The following PON2 variants were observed in gnomAD, a reference collection of about 807,000 sequenced individuals.
The protein encoded by PON2 is serum paraoxonase/arylesterase 2.
Under a neutral mutation model 36.6 loss-of-function variants are expected in PON2, and 27 were observed. The observed-to-expected ratio is 0.74, with a 90% CI of 0.54 to 1.02. PON2 has a LOEUF of 1.02. Among genes scored for constraint, PON2 ranks in the 50% least tolerant of loss-of-function variants. The probability of loss-of-function intolerance (pLI) is 0.00; values close to 1 mark genes in which losing one functional copy is unlikely to be tolerated. For synonymous variants in PON2, 149 were observed against 156.3 expected, an observed-to-expected ratio of 0.95 and a Z score of 0.35; for missense variants, 363 against 421.1, an observed-to-expected ratio of 0.86 and a Z score of 1.21.
chr7:95,425,832 A>C (rs1285171789), intron 1 of PON2, among the ~76,000 whole-genome samples: 5 of 152,204 alleles, frequency 3.3e-5, no homozygotes, highest in African/African-American at 1.2e-4. Flanking sequence ...TTTTTGAAAC[A>C]ATATAGCAAT....
At chr7:95,416,027 A>G (rs1789054775) in intron 3 of PON2, 3 of 754,344 alleles carry the variant, frequency 4.0e-6, no homozygotes, top group Non-Finnish European at 6.3e-6. Context: ...GTGCAATGCA[A>G]TGGGGAAATA....
intron 2 of PON2, 121 bp downstream of exon 2, chr7:95,424,394 T>G: frequency 1.3e-6 from 1 of 796,926 alleles, no homozygotes. Context: ...AGGTTTTTGT[T>G]GATCTAATGT....
intron 1 of PON2, among the ~76,000 whole-genome samples, chr7:95,427,555 C>G (rs1033619013): frequency 6.6e-6 from 1 of 152,140 alleles, no homozygotes; most frequent in Non-Finnish European, 1.5e-5. Flanking sequence ...TTTGAGACTG[C>G]GGCAGCCATT....
At position 95,405,297 on chromosome 7, in the gene PON2, T is replaced by C. The variant is rs368736955; in HGVS notation, c.*33A>G. The C allele has an allele frequency of 6.2e-7, 1 of 1,606,080 alleles. No homozygotes were observed. Among genetic ancestry groups the C allele is most frequent in the African/African-American group, 1.3e-5 (1 of 74,890 alleles). On this transcript the variant is annotated 3_prime_UTR_variant, in exon 9 of 9. Coordinates refer to ENST00000222572, the MANE Select transcript of PON2 (RefSeq NM_000305.3). The stretch of plus-strand genomic sequence containing the variant: ...TAGCAATTCATAGAAAATTAATTGT[T>C]AAGTTATCGCACTTTCATGCCAAAA...
chr7:95,423,577 C>T (rs897473923), intron 2 of PON2, among the ~76,000 whole-genome samples: 24 of 152,010 alleles, frequency 1.6e-4, no homozygotes, highest in African/African-American at 5.1e-4. Context: ...CTTAGGAACC[C>T]CTACTCAAAG....
At chr7:95,431,700 G>A (rs539646563) in intron 1 of PON2, among the ~76,000 whole-genome samples, 17 of 152,096 alleles carry the variant, frequency 1.1e-4, no homozygotes, top group East Asian at 9.7e-4. Flanking sequence ...GATTACAGAC[G>A]TGAGCCACTG....
At position 95,406,121 on chromosome 7, in the gene PON2, C is replaced by G. The variant is rs1199075081; in HGVS notation, c.904G>C (p.Glu302Gln). ...TAAAAAACTGAAAATATAAAAACCTCTGACGAGGGAGGATTGTTCGGGTCA... is the reference window on the plus strand; with the variant it reads ...TAAAAAACTGAAAATATAAAAACCTGTGACGAGGGAGGATTGTTCGGGTCA... Reference protein sequence around the residue: ...VYDPNNPPSSEVLRIQNILSE... With the variant: ...VYDPNNPPSSQVLRIQNILSE... The change falls in exon 8 of 9, where the codon GAG becomes CAG. Residue 302 changes from glutamate (E) to glutamine (Q), a missense_variant and splice_region_variant. Glu to Gln is a conservative substitution (Grantham distance 29). Transcript: ENST00000222572. 6.2e-7 allele frequency: 1 copy of G among 1,613,568 alleles called. No individual in the cohort carries two copies. The highest frequency in any genetic ancestry group is 8.5e-7 in the Non-Finnish European group (1 of 1,179,628).
chr7:95,433,624 A>C (rs949769066), intron 1 of PON2, among the ~76,000 whole-genome samples: 2 of 152,216 alleles, frequency 1.3e-5, no homozygotes, highest in Non-Finnish European at 2.9e-5. Flanking sequence ...TTTTCAACTT[A>C]TATTTAATGG....
chr7:95,408,971 C>A (rs1270892095), intron 6 of PON2, among the ~76,000 whole-genome samples: 1 of 152,080 alleles, frequency 6.6e-6, no homozygotes. Flanking sequence ...GGATTTGAAC[C>A]CAGGCCTGTA....
rs1352867352 is a variant in PON2, at chr7:95,434,769, A to T, written c.74+109T>A. The T allele has an allele frequency of 2.4e-6, 3 of 1,254,220 alleles. No individual in the cohort carries two copies. In the African/African-American group the frequency reaches 4.7e-5, roughly 20 times the overall value. The allele number at this position is 1,254,220 out of a possible 1,614,324, so 77.7% of individuals were successfully genotyped here. On this transcript the variant is annotated intron_variant, in intron 1 of 8. Transcript: ENST00000222572. The stretch of plus-strand genomic sequence containing the variant: ...TCAAAAATTCTCCACCCCCGGCCGC[A>T]GGGCCAGGTCCCGCAGGAATCCCTC...
chr7:95,409,384 A>G (rs1005363552), intron 6 of PON2: 2 of 151,988 alleles, frequency 1.3e-5, no homozygotes, highest in Non-Finnish European at 2.9e-5. Context: ...TTAAAATTCC[A>G]TGGTAAATAA....
chr7:95,424,331 G>C (rs1291976142), intron 2 of PON2, 184 bp downstream of exon 2: 1 of 613,244 alleles, frequency 1.6e-6, no homozygotes, highest in African/African-American at 1.9e-5. Flanking sequence ...TTACAGTGAG[G>C]GTAGGAAAGA....
At chr7:95,411,844 G>C in intron 4 of PON2, 65 bp from the exon 5 acceptor site, 1 of 1,550,302 alleles carries the variant, frequency 6.5e-7, no homozygotes. Context: ...GGCAGGCACT[G>C]ACATTTAAAT....
At chr7:95,434,442 T>C (rs1417920337) in intron 1 of PON2, 1 of 171,144 alleles carries the variant, frequency 5.8e-6, no homozygotes, top group Non-Finnish European at 1.2e-5. Context: ...AACAACTTTA[T>C]TAAAGACGGG....
chr7:95,406,313 A>C (rs1585743760), intron 7 of PON2, 66 bp from the exon 8 acceptor site: 1 of 1,518,120 alleles, frequency 6.6e-7, no homozygotes, highest in African/African-American at 1.4e-5. Flanking sequence ...TTTAGAGGTA[A>C]CCTTCCTGCC....
At chr7:95,429,972 C>T (rs1003281100) in intron 1 of PON2, among the ~76,000 whole-genome samples, 15 of 152,106 alleles carry the variant, frequency 9.9e-5, no homozygotes, top group Non-Finnish European at 1.9e-4. Context: ...CTGGCTGAGG[C>T]GACAGGTTCA....
intron 1 of PON2, among the ~76,000 whole-genome samples, chr7:95,427,950 G>A (rs1789353502): frequency 6.6e-6 from 1 of 152,160 alleles, no homozygotes; most frequent in Non-Finnish European, 1.5e-5. Context: ...TGATATGAGA[G>A]GAGGAACACT....
At chr7:95,430,783 A>G (rs1198032970) in intron 1 of PON2, among the ~76,000 whole-genome samples, 1 of 152,028 alleles carries the variant, frequency 6.6e-6, no homozygotes, top group Non-Finnish European at 1.5e-5. Context: ...AAAAAGAAAG[A>G]AAATATTTTT....
intron 7 of PON2, 102 bp downstream of exon 7, chr7:95,406,885 C>T (rs1014551856): frequency 1.4e-6 from 1 of 695,742 alleles, no homozygotes; most frequent in East Asian, 2.7e-5. Context: ...AATAGCTACA[C>T]TGGCATCCAT....
Sources: allele counts gnomAD v4.1 joint callset (sites outside exome capture counted in the v4.1 genomes callset), GRCh38; gene constraint gnomAD v4.1.1; transcripts MANE v1.5; gene names NCBI Gene and HGNC (gene_info 2026-07-23, HGNC 2026-07-21).